INSYN2A: variants seen among roughly 807,000 people sequenced by gnomAD.
INSYN2A encodes the protein inhibitory synaptic factor 2A, also known as family with sequence similarity 196 member A.
INSYN2A carries 17 observed loss-of-function variants against 39.4 expected under a neutral mutation model. The observed-to-expected ratio is 0.43, with a 90% CI of 0.30 to 0.65. The LOEUF is 0.65. INSYN2A is among the 30% of genes least tolerant of loss of function. INSYN2A has a pLI of 0.14. For synonymous variants in INSYN2A, 255 were observed against 265.7 expected (o/e 0.96, Z 0.39); for missense variants, 595 against 631.2 (o/e 0.94, Z 0.61).
chr10:127,139,307 C>T (rs965052486), intron 5 of INSYN2A, among the ~76,000 whole-genome samples: 2 of 152,052 alleles, frequency 1.3e-5, no homozygotes, highest in African/African-American at 4.8e-5. Context: ...AAAACAAGTT[C>T]AGGACCCATC....
intron 2 of INSYN2A, among the ~76,000 whole-genome samples, chr10:127,182,782 C>A (rs1415871789): frequency 6.6e-6 from 1 of 152,096 alleles, no homozygotes; most frequent in Admixed American, 6.5e-5. Flanking sequence ...CTCCCTGTTT[C>A]CCATCATCAT....
At chr10:127,141,486 T>G (rs1309873165) in intron 5 of INSYN2A, among the ~76,000 whole-genome samples, 2 of 152,074 alleles carry the variant, frequency 1.3e-5, no homozygotes, top group African/African-American at 4.8e-5. Flanking sequence ...GCGGATCACT[T>G]GAGATCAGGA....
At chr10:127,141,377 G>C (rs1262828926) in intron 5 of INSYN2A, among the ~76,000 whole-genome samples, 1 of 152,114 alleles carries the variant, frequency 6.6e-6, no homozygotes, top group Non-Finnish European at 1.5e-5. Context: ...ACGTAATATT[G>C]CTAGAATTAA....
chr10:127,137,900 A>G lies in INSYN2A; in HGVS notation c.1377T>C (p.Thr459=), dbSNP rs768054538. 3 of 1,613,930 alleles carry G rather than the reference A, an allele frequency of 1.9e-6. No individual in the cohort carries two copies. Among genetic ancestry groups the G allele is most frequent in the African/African-American group, 1.3e-5 (1 of 74,890 alleles). ...ATTCAGTTTTGGATTTTTGCTTGGG[A>G]GTTGAGGAGTAAGTCTCCTGAGAGT... ...SPYSQETYSS[T]PKQKSKTESK... The change falls in exon 6 of 6, where the codon ACT becomes ACC. Residue 459 remains threonine, a synonymous_variant. Coordinates refer to ENST00000522781, the MANE Select transcript of INSYN2A (RefSeq NM_001039762.3).
chr10:127,162,577 A>G (rs1244509044), intron 4 of INSYN2A, among the ~76,000 whole-genome samples: 1 of 152,162 alleles, frequency 6.6e-6, no homozygotes, highest in Non-Finnish European at 1.5e-5. Context: ...AGAATCACAC[A>G]CATCCCATTC....
rs2052456844 is a variant in INSYN2A at position 127,151,240 on chromosome 10, T to C, written c.1256+2612A>G. Among the ~76,000 whole-genome samples, 11 of 152,298 alleles carry C rather than the reference T, an allele frequency of 7.2e-5. 1 individual carries two copies. In the South Asian group the frequency reaches 2.3e-3, roughly 32 times the overall value. ...ATTTGATGAGCTATGTTCCACTTGG[T>C]AGTCACAGTGCAGTCTTTATTTGAA... On this transcript the variant is annotated intron_variant, in intron 5 of 5. Coordinates refer to ENST00000522781, the MANE Select transcript of INSYN2A (RefSeq NM_001039762.3).
At position 127,137,003 on chromosome 10, in the gene INSYN2A, G is replaced by T. The variant is rs1017364933; in HGVS notation, c.*834C>A. On this transcript the variant is annotated 3_prime_UTR_variant, in exon 6 of 6. Transcript: ENST00000522781. ...TCGTGTATCTCTATGTATGTTCTCA[G>T]ATTCTTGCCAGAATGTATTATTTGG... The T allele has an allele frequency of 6.6e-6, 1 of 152,618 alleles. No homozygotes were observed. Among genetic ancestry groups the T allele is most frequent in the African/African-American group, 2.4e-5 (1 of 41,450 alleles). The allele number at this position is 152,618 out of a possible 1,614,324, so 9.5% of individuals were successfully genotyped here. A position where few individuals can be genotyped will look rare whatever the true frequency, so the allele number is the denominator to read the frequency against.
rs1564883520 is a variant in INSYN2A at position 127,186,503 on chromosome 10, A to ACCCCCCCCCCCCCCCCCCCCCC, written c.-269+6101_-269+6102insGGGGGGGGGGGGGGGGGGGGGG. Among the ~76,000 whole-genome samples the ACCCCCCCCCCCCCCCCCCCCCC allele has an allele frequency of 1.1e-4, 2 of 18,746 alleles. 1 individual carries two copies. The highest frequency in any genetic ancestry group is 2.9e-4 in the Non-Finnish European group (2 of 6,984). The allele number at this position is 18,746 out of a possible 152,430, so 12.3% of individuals were successfully genotyped here. A position where few individuals can be genotyped will look rare whatever the true frequency, so the allele number is the denominator to read the frequency against. ...ACAATCATGATAACAGCATGGGAGA[A>ACCCCCCCCCCCCCCCCCCCCCC]ACCGCCCCCCCGCCCCCCCCCGATC... On this transcript the variant is annotated intron_variant, in intron 2 of 5. Coordinates refer to ENST00000522781, the MANE Select transcript of INSYN2A (RefSeq NM_001039762.3).
intron 4 of INSYN2A, among the ~76,000 whole-genome samples, chr10:127,163,759 A>G (rs2053801331): frequency 6.7e-6 from 1 of 148,930 alleles, no homozygotes; most frequent in Non-Finnish European, 1.5e-5. Flanking sequence ...TTAGTCTTGC[A>G]CCTAAACCAG....
intron 5 of INSYN2A, among the ~76,000 whole-genome samples, chr10:127,152,212 G>A (rs148445942): frequency 6.6e-5 from 10 of 152,232 alleles, no homozygotes; most frequent in South Asian, 2.1e-4. Flanking sequence ...ACTTCCTAAC[G>A]TACTGATGTT....
rs138082877 is a variant in INSYN2A, at chr10:127,136,904, G to A, written c.*933C>T. The A allele has an allele frequency of 1.1e-3, 165 of 152,664 alleles. 2 individuals carry two copies. The highest frequency in any genetic ancestry group is 0.01 in the Middle Eastern group (3 of 294). 9.5% of individuals were successfully genotyped at this position (152,664 alleles called of 1,614,324 possible). ...CACTTACCATGGCTAACAGTGTCTC[G>A]GAGGATCGATCCACAAAAACACTGT... is the stretch of plus-strand genomic sequence containing the variant. On this transcript the variant is annotated 3_prime_UTR_variant, in exon 6 of 6. Coordinates refer to ENST00000522781, the MANE Select transcript of INSYN2A (RefSeq NM_001039762.3).
At chr10:127,194,578 T>C (rs372825028) in intron 1 of INSYN2A, among the ~76,000 whole-genome samples, 5 of 152,222 alleles carry the variant, frequency 3.3e-5, no homozygotes, top group South Asian at 2.1e-4. Context: ...TTATATCATT[T>C]TCATGTATGT....
intron 4 of INSYN2A, among the ~76,000 whole-genome samples, chr10:127,161,348 G>A (rs1446817264): frequency 1.3e-5 from 2 of 152,104 alleles, no homozygotes; most frequent in Admixed American, 6.5e-5. Flanking sequence ...AGTCAAAGGC[G>A]GTACTGGCTT....
chr10:127,179,657 T>C (rs1414106650), intron 2 of INSYN2A, among the ~76,000 whole-genome samples: 1 of 152,148 alleles, frequency 6.6e-6, no homozygotes, highest in East Asian at 1.9e-4. Context: ...GGGTAAGGCT[T>C]ACAGTGATTA....
chr10:127,137,742 CCA>C lies in INSYN2A; in HGVS notation c.*93_*94del. The C allele has an allele frequency of 8.1e-7, 1 of 1,232,274 alleles. No homozygotes were observed. The highest frequency in any genetic ancestry group is 2.4e-5 in the East Asian group (1 of 42,492). 76.3% of individuals were successfully genotyped at this position (1,232,274 alleles called of 1,614,324 possible). ...GAAGTGGGAGGTGCCTGAATGGGCA[CCA>C]CAGTTCCCTCGATCCTATTCATTTT... is the stretch of plus-strand genomic sequence containing the variant. On this transcript the variant is annotated 3_prime_UTR_variant, in exon 6 of 6. Coordinates refer to ENST00000522781, the MANE Select transcript of INSYN2A (RefSeq NM_001039762.3).
chr10:127,193,990 T>A (rs1484471442), intron 1 of INSYN2A, among the ~76,000 whole-genome samples: 12 of 152,204 alleles, frequency 7.9e-5, no homozygotes, highest in Non-Finnish European at 1.8e-4. Context: ...CTGACTTACA[T>A]GAAAGCTCAA....
chr10:127,175,130 A>T lies in INSYN2A; in HGVS notation c.1184+82T>A. On this transcript the variant is annotated intron_variant, in intron 4 of 5. Transcript: ENST00000522781. This position sits in a 1 kb window ranked among gnomAD's most constrained non-coding sequence, Gnocchi z 6.3. ...CGGAAATGCTGGCTTTAGTCTCATT[A>T]CAGACTTGGGTTTGGGGCTACAGAT... 8.2e-7 allele frequency: 1 copy of T among 1,226,406 alleles called. No homozygotes were observed. The highest frequency in any genetic ancestry group is 1.2e-6 in the Non-Finnish European group (1 of 860,066). The allele number at this position is 1,226,406 out of a possible 1,614,324, so 76.0% of individuals were successfully genotyped here.
At chr10:127,152,666 C>T (rs553667366) in intron 5 of INSYN2A, among the ~76,000 whole-genome samples, 1 of 152,354 alleles carries the variant, frequency 6.6e-6, no homozygotes, top group Non-Finnish European at 1.5e-5. Flanking sequence ...CTGGCCTCTA[C>T]CTGCTGCATA....
Position 127,175,382 on chromosome 10 carries a change from T to C in INSYN2A, c.1014A>G (p.Thr338=), listed in dbSNP as rs61752578. ...GGCATTCTTCACCTGCAGCAACCGC[T>C]GTGGGACTAGGCTGGTTCCCCAGCC... ...PPGLGNQPSP[T]AVAAGEECQR... The change falls in exon 4 of 6, where the codon ACA becomes ACG. Residue 338 remains threonine (T), a synonymous_variant. Coordinates refer to ENST00000522781, the MANE Select transcript of INSYN2A (RefSeq NM_001039762.3). The surrounding 1 kb of genome is among the most constrained non-coding windows in gnomAD (Gnocchi z 6.3). 1,642 of 1,614,006 alleles carry C rather than the reference T, an allele frequency of 1.0e-3. 17 individuals are homozygous for C. The African/African-American group carries it at 0.018, about 18-fold the overall frequency.
Sources: allele counts gnomAD v4.1 joint callset (sites outside exome capture counted in the v4.1 genomes callset), GRCh38; gene constraint gnomAD v4.1.1; non-coding constraint Gnocchi (gnomAD v3.1); transcripts MANE v1.5; gene names NCBI Gene and HGNC (gene_info 2026-07-23, HGNC 2026-07-21).